Variants in ATP5IF1 observed in about 807,000 individuals in gnomAD.
The protein encoded by ATP5IF1 is ATPase inhibitor, mitochondrial.
Under a neutral mutation model 8.5 loss-of-function variants are expected in ATP5IF1, and 12 were observed. The ratio of observed to expected loss-of-function variants is 1.41; its 90% CI spans 0.90 to 2.28. The LOEUF (loss-of-function observed/expected upper bound fraction) is 2.28, where lower values mean the gene tolerates loss of function less well. Ranked by LOEUF, ATP5IF1 falls within the 30% of genes most tolerant of loss-of-function variation. The pLI, the probability that ATP5IF1 is intolerant of heterozygous loss-of-function variation, is 0.00. For missense variants in ATP5IF1, 154 were observed against 140.2 expected, an observed-to-expected ratio of 1.10 and a Z score of -0.50; for synonymous variants, 51 against 53.4, an observed-to-expected ratio of 0.96 and a Z score of 0.19.
intron 2 of ATP5IF1, chr1:28,236,857 A>C (rs1572078093): frequency 1.8e-6 from 2 of 1,141,262 alleles, no homozygotes; most frequent in Non-Finnish European, 1.1e-6. Context: ...CCCACCTGTC[A>C]CCCCCTCTAC....
chr1:28,236,167 G>A lies in ATP5IF1; in HGVS notation c.-17G>A, dbSNP rs757869617. ...GCTTGCTGCGGCAGAGACGCCAGAG[G>A]TGCAGCTCCAGCAGCAATGGCAGTG... On this transcript the variant is annotated 5_prime_UTR_variant, in exon 1 of 3. In the 5' UTR this introduces an upstream ATG that the reference lacks. Transcript: ENST00000335514. 2 of 1,611,520 alleles carry A rather than the reference G, an allele frequency of 1.2e-6. No individual in the cohort carries two copies. Among genetic ancestry groups the A allele is most frequent in the African/African-American group, 1.3e-5 (1 of 74,946 alleles).
At position 28,236,191 on chromosome 1, in the gene ATP5IF1, T is replaced by C. The variant is rs771000337; in HGVS notation, c.8T>C (p.Val3Ala). The C allele has an allele frequency of 6.2e-7, 1 of 1,613,394 alleles. No homozygotes were observed. The highest frequency in any genetic ancestry group is 1.1e-5 in the South Asian group (1 of 91,076). ...GGTGCAGCTCCAGCAGCAATGGCAG[T>C]GACGGCGTTGGCGGCGCGGACGTGG... MA[V>A]TALAARTWLG... Residue 3 changes from valine (V) to alanine (A), a missense_variant, in exon 1 of 3, where the codon GTG becomes GCG. Val to Ala is a moderately conservative substitution (Grantham distance 64). Coordinates refer to ENST00000335514, the MANE Select transcript of ATP5IF1 (RefSeq NM_016311.5).
At chr1:28,236,707 C>T (rs1160479625) in intron 2 of ATP5IF1, 90 of 1,408,576 alleles carry the variant, frequency 6.4e-5, no homozygotes, top group Non-Finnish European at 7.9e-5. Context: ...AAACAACCCA[C>T]GGCTCAACTC....
rs1327522228 is a variant in ATP5IF1 at position 28,237,987 on chromosome 1, C to T, written c.*9C>T. Reference sequence around the variant, plus strand: ...TAAAACATGATGATTAAGTGCACACCGTGTGCCATAGAATGGCACATGTCA... The same window carrying T: ...TAAAACATGATGATTAAGTGCACACTGTGTGCCATAGAATGGCACATGTCA... On this transcript the variant is annotated 3_prime_UTR_variant, in exon 3 of 3. Coordinates refer to ENST00000335514, the MANE Select transcript of ATP5IF1 (RefSeq NM_016311.5). 9 of 1,605,572 alleles carry T rather than the reference C, an allele frequency of 5.6e-6. No homozygotes were observed. Among genetic ancestry groups the T allele is most frequent in the African/African-American group, 5.3e-5 (4 of 74,780 alleles).
rs1451762683 is a variant in ATP5IF1, at chr1:28,236,289, C to T, written c.87+19C>T. 2 of 1,614,170 alleles carry T rather than the reference C, an allele frequency of 1.2e-6. No homozygotes were observed. Among genetic ancestry groups the T allele is most frequent in the Non-Finnish European group, 1.7e-6 (2 of 1,180,022 alleles). On this transcript the variant is annotated intron_variant, in intron 1 of 2. Coordinates refer to ENST00000335514, the MANE Select transcript of ATP5IF1 (RefSeq NM_016311.5). Reference sequence around the variant, plus strand: ...GGATCAGGTACGCTGCGGCAGTGTCCGCTGCTCCAGCCCCGCGGGCGGATC... The same window carrying T: ...GGATCAGGTACGCTGCGGCAGTGTCTGCTGCTCCAGCCCCGCGGGCGGATC...
At chr1:28,237,667 C>A (rs1647050343) in intron 2 of ATP5IF1, 170 bp from the exon 3 acceptor site, 1 of 1,556,294 alleles carries the variant, frequency 6.4e-7, no homozygotes, top group Admixed American at 2.0e-5. Flanking sequence ...GGCTACACCT[C>A]AATTTAAGAT....
In ATP5IF1 at chr1:28,236,126, C is replaced by G. The variant is rs1456320845; in HGVS notation, c.-58C>G. On this transcript the variant is annotated 5_prime_UTR_variant, in exon 1 of 3. Coordinates refer to ENST00000335514, the MANE Select transcript of ATP5IF1 (RefSeq NM_016311.5). Reference sequence around the variant, plus strand: ...GGTGCTTGGCCGTCCCTGCCATTAGCGCGTAACGAGAGACTGCTTGCTGCG... The same window carrying G: ...GGTGCTTGGCCGTCCCTGCCATTAGGGCGTAACGAGAGACTGCTTGCTGCG... The G allele has an allele frequency of 1.9e-6, 3 of 1,592,758 alleles. No homozygotes were observed. In the East Asian group the frequency reaches 6.7e-5, roughly 36 times the overall value.
intron 2 of ATP5IF1, chr1:28,236,672 A>T: frequency 6.9e-7 from 1 of 1,446,742 alleles, no homozygotes; most frequent in African/African-American, 1.4e-5. Context: ...CAGGCCCCCA[A>T]ACCGTTTCCA....
intron 2 of ATP5IF1, chr1:28,236,928 G>A (rs1345273983): frequency 7.4e-6 from 8 of 1,080,908 alleles, no homozygotes; most frequent in Non-Finnish European, 9.0e-6. Context: ...AGGCTTCTCA[G>A]GTGTTTCTAG....
chr1:28,237,951 G>T lies in ATP5IF1; in HGVS notation c.294G>T (p.Lys98Asn). ...AAGAAATTGAGCGCCATAAGCAGAA[G>T]ATCAAAATGCTAAAACATGATGATT... ...LQKEIERHKQKIKMLKHDD is the reference protein window; with the variant it reads ...LQKEIERHKQNIKMLKHDD Residue 98 changes from lysine to asparagine, a missense_variant, in exon 3 of 3, where the codon AAG becomes AAT. Transcript: ENST00000335514. 6.2e-7 allele frequency: 1 copy of T among 1,612,662 alleles called. No individual in the cohort carries two copies. The highest frequency in any genetic ancestry group is 1.1e-5 in the South Asian group (1 of 91,066).
chr1:28,237,832 T>C lies in ATP5IF1; in HGVS notation c.180-5T>C. On this transcript the variant is annotated splice_polypyrimidine_tract_variant and splice_region_variant and intron_variant, in intron 2 of 2. Coordinates refer to ENST00000335514, the MANE Select transcript of ATP5IF1 (RefSeq NM_016311.5). ...ATTAAACCCTGAGCCACCGTGTCCT[T>C]GTAGAGCACAGAGTAGAGAACAACT... The C allele has an allele frequency of 1.2e-6, 2 of 1,614,182 alleles. No homozygotes were observed. Among genetic ancestry groups the C allele is most frequent in the Non-Finnish European group, 1.7e-6 (2 of 1,180,030 alleles).
Position 28,238,079 on chromosome 1 carries a change from A to G in ATP5IF1, c.*101A>G, listed in dbSNP as rs1359070376. 8.2e-7 allele frequency: 1 copy of G among 1,224,932 alleles called. No individual in the cohort carries two copies. The highest frequency in any genetic ancestry group is 1.1e-6 in the Non-Finnish European group (1 of 886,440). 75.9% of individuals were successfully genotyped at this position (1,224,932 alleles called of 1,614,324 possible). On this transcript the variant is annotated 3_prime_UTR_variant, in exon 3 of 3. Coordinates refer to ENST00000335514, the MANE Select transcript of ATP5IF1 (RefSeq NM_016311.5). ...TTTGTCTGTGTGCTACTAACAGATT[A>G]TAATAAATTGTCATCAGTGAACTGT... is the stretch of plus-strand genomic sequence containing the variant.
At chr1:28,237,480 T>A (rs1361123604) in intron 2 of ATP5IF1, 30 of 1,305,572 alleles carry the variant, frequency 2.3e-5, no homozygotes, top group Non-Finnish European at 2.8e-5. Context: ...ATTTGCCTTT[T>A]AGCTACACCC....
At position 28,237,953 on chromosome 1, in the gene ATP5IF1, T is replaced by A; in HGVS notation, c.296T>A (p.Ile99Asn). The A allele has an allele frequency of 6.2e-7, 1 of 1,612,514 alleles. No individual in the cohort carries two copies. The highest frequency in any genetic ancestry group is 8.5e-7 in the Non-Finnish European group (1 of 1,179,966). The stretch of plus-strand genomic sequence containing the variant: ...GAAATTGAGCGCCATAAGCAGAAGA[T>A]CAAAATGCTAAAACATGATGATTAA... ...QKEIERHKQK[I>N]KMLKHDD Residue 99 changes from isoleucine to asparagine, a missense_variant, in exon 3 of 3, where the codon ATC becomes AAC. Physicochemically the swap from Ile to Asn is moderately radical, Grantham distance 149. Coordinates refer to ENST00000335514, the MANE Select transcript of ATP5IF1 (RefSeq NM_016311.5).
intron 2 of ATP5IF1, 74 bp downstream of exon 2, chr1:28,236,526 C>G (rs915645201): frequency 1.2e-6 from 2 of 1,605,086 alleles, no homozygotes; most frequent in Non-Finnish European, 1.7e-6. Context: ...GCCAATCGCC[C>G]CACCCGTTCC....
Position 28,237,938 on chromosome 1 carries a change from G to C in ATP5IF1, c.281G>C (p.Arg94Pro). Residue 94 changes from arginine to proline, a missense_variant, in exon 3 of 3, where the codon CGC becomes CCC. Coordinates refer to ENST00000335514, the MANE Select transcript of ATP5IF1 (RefSeq NM_016311.5). ...EIERLQKEIE[R>P]HKQKIKMLKH... ...GAGCGTCTGCAGAAAGAAATTGAGCGCCATAAGCAGAAGATCAAAATGCTA... is the reference window on the plus strand; with the variant it reads ...GAGCGTCTGCAGAAAGAAATTGAGCCCCATAAGCAGAAGATCAAAATGCTA... 1 of 1,613,342 alleles carries C rather than the reference G, an allele frequency of 6.2e-7. No homozygotes were observed. The highest frequency in any genetic ancestry group is 2.2e-5 in the East Asian group (1 of 44,882).
At chr1:28,236,703 C>G (rs1471067188) in intron 2 of ATP5IF1, 1 of 1,417,444 alleles carries the variant, frequency 7.1e-7, no homozygotes, top group Admixed American at 2.6e-5. Flanking sequence ...TCCAAAACAA[C>G]CCACGGCTCA....
At chr1:28,236,635 C>A (rs1647039326) in intron 2 of ATP5IF1, 183 bp downstream of exon 2, 1 of 1,510,004 alleles carries the variant, frequency 6.6e-7, no homozygotes, top group African/African-American at 1.4e-5. Context: ...ACGTATAGGG[C>A]ACTCCCAGTT....
At chr1:28,237,702 A>G (rs376753470) in intron 2 of ATP5IF1, 135 bp from the exon 3 acceptor site, 9 of 1,605,634 alleles carry the variant, frequency 5.6e-6, no homozygotes, top group East Asian at 2.2e-5. Flanking sequence ...CTAGTTGAGG[A>G]GTAGAAGAGG....
Sources: gnomAD v4.1 joint callset for allele counts on GRCh38, gnomAD v4.1.1 for gene constraint, MANE v1.5 for transcripts, NCBI Gene and HGNC (gene_info 2026-07-23, HGNC 2026-07-21) for gene names.